Variants in PRKN observed in about 807,000 individuals in gnomAD.
The protein encoded by PRKN is E3 ubiquitin-protein ligase parkin.
Under a neutral mutation model 59.5 loss-of-function variants are expected in PRKN, and 56 were observed. That is an observed-to-expected ratio of 0.94 (90% CI 0.76 to 1.18). The LOEUF (loss-of-function observed/expected upper bound fraction) is 1.18, where lower values mean the gene tolerates loss of function less well. Ranked by LOEUF, PRKN falls within the 50% of genes most tolerant of loss-of-function variation. The pLI is 0.00. For missense variants in PRKN, 657 were observed against 596.4 expected, an observed-to-expected ratio of 1.10 and a Z score of -1.06; for synonymous variants, 250 against 222.1, an observed-to-expected ratio of 1.13 and a Z score of -1.12.
intron 3 of PRKN, among the ~76,000 whole-genome samples, chr6:162,202,321 T>C (rs2128330952): frequency 6.6e-6 from 1 of 152,266 alleles, no homozygotes; most frequent in East Asian, 1.9e-4. Flanking sequence ...GCAGCTTCAT[T>C]TCCCGAATTT....
intron 9 of PRKN, among the ~76,000 whole-genome samples, chr6:161,430,775 A>T (rs1788603656): frequency 7.3e-6 from 1 of 136,840 alleles, no homozygotes; most frequent in Admixed American, 8.6e-5. Context: ...AGATTGCGCC[A>T]CTGCACTCCA....
At chr6:161,521,139 T>C (rs1583184050) in intron 9 of PRKN, among the ~76,000 whole-genome samples, 1 of 152,106 alleles carries the variant, frequency 6.6e-6, no homozygotes, top group East Asian at 1.9e-4. Flanking sequence ...TATTAGACAG[T>C]GTCAGAGTTG....
chr6:161,788,436 G>A (rs1458376875), intron 6 of PRKN, among the ~76,000 whole-genome samples: 2 of 152,150 alleles, frequency 1.3e-5, no homozygotes, highest in African/African-American at 2.4e-5. Context: ...TGGCAGTGAA[G>A]CATAGACAGC....
intron 1 of PRKN, among the ~76,000 whole-genome samples, chr6:162,445,784 TA>T (rs1248485347): frequency 7.7e-6 from 1 of 129,676 alleles, no homozygotes; most frequent in Non-Finnish European, 1.6e-5. Flanking sequence ...CTTTATGACA[TA>T]AATCAGATAT....
chr6:162,143,736 G>C (rs1053015634), intron 4 of PRKN, among the ~76,000 whole-genome samples: 1 of 152,194 alleles, frequency 6.6e-6, no homozygotes, highest in Non-Finnish European at 1.5e-5. Flanking sequence ...CAGGAGAAAA[G>C]TGTTTATTCT....
At chr6:161,612,831 T>G (rs1196714567) in intron 7 of PRKN, among the ~76,000 whole-genome samples, 1 of 151,838 alleles carries the variant, frequency 6.6e-6, no homozygotes, top group Non-Finnish European at 1.5e-5. Context: ...CATGGTTTAA[T>G]GAATATTTTA....
chr6:161,833,652 G>A (rs1792610985), intron 6 of PRKN, among the ~76,000 whole-genome samples: 3 of 152,162 alleles, frequency 2.0e-5, no homozygotes, highest in Non-Finnish European at 4.4e-5. Flanking sequence ...GGAGTGAGCA[G>A]ATCGGGGTTG....
rs113412013 is a variant in PRKN at position 161,468,140 on chromosome 6, T to C, written c.1083+80714A>G. On this transcript the variant is annotated intron_variant, in intron 9 of 11. Transcript: ENST00000366898. The surrounding 1 kb of genome is among the most constrained non-coding windows in gnomAD (Gnocchi z 5.9). Reference sequence around the variant, plus strand: ...GGCACGCACCACCACACCTAGCTAATTTTTGTATTTTTAGTAGAGACGGGG... The same window carrying C: ...GGCACGCACCACCACACCTAGCTAACTTTTGTATTTTTAGTAGAGACGGGG... 1.2e-4 allele frequency among the ~76,000 whole-genome samples: 19 copies of C among 152,210 alleles called. 1 individual carries two copies. Among genetic ancestry groups the C allele is most frequent in the African/African-American group, 4.6e-4 (19 of 41,552 alleles).
intron 2 of PRKN, among the ~76,000 whole-genome samples, chr6:162,291,418 A>G (rs2128109378): frequency 6.6e-6 from 1 of 150,594 alleles, no homozygotes; most frequent in African/African-American, 2.4e-5. Context: ...GATGGGGGGG[A>G]AGGGACATCG....
chr6:162,026,310 A>G (rs1783433329), intron 5 of PRKN, among the ~76,000 whole-genome samples: 1 of 152,212 alleles, frequency 6.6e-6, no homozygotes, highest in Admixed American at 6.5e-5. Flanking sequence ...GCCTTCTGCT[A>G]ACACTGCAAT....
chr6:162,351,060 T>G (rs1040202906), intron 2 of PRKN, among the ~76,000 whole-genome samples: 1 of 152,038 alleles, frequency 6.6e-6, no homozygotes, highest in African/African-American at 2.4e-5. Flanking sequence ...CAAGGTGGCA[T>G]GTGCCTGTAG....
At chr6:161,761,459 A>G (rs1039944878) in intron 7 of PRKN, among the ~76,000 whole-genome samples, 3 of 152,216 alleles carry the variant, frequency 2.0e-5, no homozygotes, top group African/African-American at 7.2e-5. Flanking sequence ...ATGACAAATG[A>G]CAATCATCAG....
intron 7 of PRKN, among the ~76,000 whole-genome samples, chr6:161,597,389 T>C (rs897787663): frequency 6.6e-6 from 1 of 152,178 alleles, no homozygotes; most frequent in Admixed American, 6.5e-5. Flanking sequence ...GCTTATTGAG[T>C]AAGGATTACT....
chr6:162,308,769 T>C (rs911997310), intron 2 of PRKN, among the ~76,000 whole-genome samples: 3 of 152,156 alleles, frequency 2.0e-5, no homozygotes, highest in South Asian at 2.1e-4. Flanking sequence ...GTGAATCTTC[T>C]AGTGGTCCTT....
At chr6:162,446,579 G>A (rs771983148) in intron 1 of PRKN, among the ~76,000 whole-genome samples, 35 of 152,128 alleles carry the variant, frequency 2.3e-4, no homozygotes, top group African/African-American at 3.6e-4. Flanking sequence ...TAAATACTAC[G>A]GATATGAATA....
rs1278441572 is a variant in PRKN at position 161,373,279 on chromosome 6, T to C, written c.1168-13074A>G. On this transcript the variant is annotated intron_variant, in intron 10 of 11. Coordinates refer to ENST00000366898, the MANE Select transcript of PRKN (RefSeq NM_004562.3). The surrounding 1 kb of genome is among the most constrained non-coding windows in gnomAD (Gnocchi z 4.8). ...AATACCTTCACAGCGACACCTTGACTACTGCTGGTTCCAACAACTGGGCTG... is the reference window on the plus strand; with the variant it reads ...AATACCTTCACAGCGACACCTTGACCACTGCTGGTTCCAACAACTGGGCTG... 6.6e-6 allele frequency among the ~76,000 whole-genome samples: 1 copy of C among 152,318 alleles called. No homozygotes were observed. Among genetic ancestry groups the C allele is most frequent in the East Asian group, 1.9e-4 (1 of 5,166 alleles).
chr6:161,512,151 G>C (rs1778415752), intron 9 of PRKN, among the ~76,000 whole-genome samples: 1 of 152,172 alleles, frequency 6.6e-6, no homozygotes, highest in Non-Finnish European at 1.5e-5. Flanking sequence ...GGTCTACAAA[G>C]AACAGTATTA....
intron 4 of PRKN, among the ~76,000 whole-genome samples, chr6:162,153,548 C>A (rs58713232): frequency 2.0e-5 from 3 of 152,126 alleles, no homozygotes; most frequent in Non-Finnish European, 4.4e-5. Flanking sequence ...ATTATAACAG[C>A]CTTTTGGGGT....
chr6:162,420,385 G>A (rs9365417), intron 2 of PRKN, among the ~76,000 whole-genome samples: 78,231 of 151,936 alleles, frequency 0.51, 20,525 homozygotes, highest in East Asian at 0.69. Context: ...AGGTTGTCCT[G>A]CTGCCATCTT....
Sources: allele counts gnomAD v4.1 joint callset (sites outside exome capture counted in the v4.1 genomes callset), GRCh38; gene constraint gnomAD v4.1.1; non-coding constraint Gnocchi (gnomAD v3.1); transcripts MANE v1.5; gene names NCBI Gene and HGNC (gene_info 2026-07-23, HGNC 2026-07-21).